The following NKAIN3 variants were observed in gnomAD, a reference collection of about 807,000 sequenced individuals.
NKAIN3 encodes sodium/potassium transporting ATPase interacting 3, also known as sodium/potassium-transporting ATPase subunit beta-1-interacting protein 3.
NKAIN3 carries 25 observed loss-of-function variants against 30.2 expected under a neutral mutation model. That is an observed-to-expected ratio of 0.83 (90% CI 0.60 to 1.16). The LOEUF is 1.16. Ranked by LOEUF, NKAIN3 falls within the 50% of genes most tolerant of loss-of-function variation. The probability of loss-of-function intolerance (pLI) is 0.00; values close to 1 mark genes in which losing one functional copy is unlikely to be tolerated. For synonymous variants in NKAIN3, 91 were observed against 89.6 expected, an observed-to-expected ratio of 1.02 and a Z score of -0.09; for missense variants, 225 against 254.1, an observed-to-expected ratio of 0.89 and a Z score of 0.78.
chr8:62,892,843 C>G (rs1265323742), intron 4 of NKAIN3, among the ~76,000 whole-genome samples: 3 of 152,006 alleles, frequency 2.0e-5, no homozygotes, highest in Non-Finnish European at 4.4e-5. Flanking sequence ...TCAGACACAC[C>G]AGCATAAAAG....
chr8:62,474,363 T>A (rs572110156), intron 1 of NKAIN3: 2 of 152,292 alleles, frequency 1.3e-5, no homozygotes, highest in East Asian at 3.9e-4. Context: ...AAGGGCAGTC[T>A]TTGTTGTGTC....
At chr8:62,475,672 A>G (rs1806495311) in intron 1 of NKAIN3, among the ~76,000 whole-genome samples, 1 of 152,198 alleles carries the variant, frequency 6.6e-6, no homozygotes, top group Non-Finnish European at 1.5e-5. Context: ...TCTGTACTGT[A>G]ACAAGATCCT....
chr8:62,392,017 A>G (rs928790075), intron 1 of NKAIN3, among the ~76,000 whole-genome samples: 1 of 152,058 alleles, frequency 6.6e-6, no homozygotes, highest in Non-Finnish European at 1.5e-5. Context: ...TGACAACAAC[A>G]AGGAAACATT....
rs906279771 is a variant in NKAIN3 at position 62,967,136 on chromosome 8, G to A, written c.*1729G>A. On this transcript the variant is annotated 3_prime_UTR_variant, in exon 7 of 7. Transcript: ENST00000623646. ...AAGAAAAGCTGGCAGGGACCTTGAAGATGGTGGAATCCAAGCCACTATTCT... is the reference window on the plus strand; with the variant it reads ...AAGAAAAGCTGGCAGGGACCTTGAAAATGGTGGAATCCAAGCCACTATTCT... Among the ~76,000 whole-genome samples, 3 of 152,156 alleles carry A rather than the reference G, an allele frequency of 2.0e-5. No homozygotes were observed. Among genetic ancestry groups the A allele is most frequent in the Non-Finnish European group, 4.4e-5 (3 of 68,036 alleles).
At chr8:62,383,399 C>A in intron 1 of NKAIN3, 1 of 408,538 alleles carries the variant, frequency 2.4e-6, no homozygotes, top group Non-Finnish European at 4.9e-6. Context: ...GTAGCCTTTT[C>A]CTTCCTGCAT....
At chr8:62,249,291 C>T (rs550450266) in intron 1 of NKAIN3, among the ~76,000 whole-genome samples, 164 bp downstream of exon 1, 16 of 152,360 alleles carry the variant, frequency 1.1e-4, no homozygotes, top group African/African-American at 3.8e-4. Context: ...TCGCACTGCT[C>T]TCCAGCCGCG....
intron 1 of NKAIN3, among the ~76,000 whole-genome samples, chr8:62,324,240 T>C (rs1000549292): frequency 2.0e-5 from 3 of 152,168 alleles, no homozygotes; most frequent in Admixed American, 6.6e-5. Flanking sequence ...AGGAACTCTG[T>C]ACTTTCTGGT....
At chr8:62,751,546 C>A (rs1477593680) in intron 4 of NKAIN3, among the ~76,000 whole-genome samples, 1 of 152,136 alleles carries the variant, frequency 6.6e-6, no homozygotes, top group African/African-American at 2.4e-5. Context: ...ATGATATGCA[C>A]TCTTCTGAGC....
At chr8:62,988,919 A>G (rs1824259715), downstream of NKAIN3, among the ~76,000 whole-genome samples, 1 of 152,168 alleles carries the variant, frequency 6.6e-6, no homozygotes, top group African/African-American at 2.4e-5. Context: ...ACCGCTTAAA[A>G]ATTTCTTCCC....
intron 4 of NKAIN3, among the ~76,000 whole-genome samples, chr8:62,805,641 A>G (rs1818252217): frequency 6.6e-6 from 1 of 152,228 alleles, no homozygotes; most frequent in Non-Finnish European, 1.5e-5. Context: ...CACCTTATAC[A>G]AAAATTAATT....
chr8:62,986,465 A>G (rs890223326), downstream of NKAIN3, among the ~76,000 whole-genome samples: 5 of 152,176 alleles, frequency 3.3e-5, no homozygotes, highest in Non-Finnish European at 5.9e-5. Flanking sequence ...TCTGTGTCTC[A>G]TTCACTGGCT....
intron 4 of NKAIN3, among the ~76,000 whole-genome samples, chr8:62,752,840 C>G (rs1816330046): frequency 2.0e-5 from 3 of 152,014 alleles, no homozygotes; most frequent in Non-Finnish European, 4.4e-5. Flanking sequence ...TTTAATGAGG[C>G]TATGTCTTGA....
chr8:62,739,078 C>A (rs1815775730), intron 3 of NKAIN3, among the ~76,000 whole-genome samples: 1 of 151,986 alleles, frequency 6.6e-6, no homozygotes, highest in African/African-American at 2.4e-5. Flanking sequence ...AACACATGGA[C>A]ACAGGGAGGG....
At chr8:62,746,247 T>G (rs1816065455) in intron 3 of NKAIN3, among the ~76,000 whole-genome samples, 1 of 152,188 alleles carries the variant, frequency 6.6e-6, no homozygotes, top group Non-Finnish European at 1.5e-5. Context: ...CCTTTGCCTC[T>G]TCTACCTTGT....
At chr8:62,778,603 G>T (rs1300452780) in intron 4 of NKAIN3, among the ~76,000 whole-genome samples, 2 of 152,086 alleles carry the variant, frequency 1.3e-5, no homozygotes, top group African/African-American at 4.8e-5. Flanking sequence ...TCCCTTCAGG[G>T]AAGTGGGCTC....
chr8:62,406,362 A>T (rs1469522443), intron 1 of NKAIN3, among the ~76,000 whole-genome samples: 1 of 152,214 alleles, frequency 6.6e-6, no homozygotes, highest in Non-Finnish European at 1.5e-5. Context: ...GCTTACATAA[A>T]TTTAAGAAAT....
chr8:62,802,341 A>G (rs1318551705), intron 4 of NKAIN3, among the ~76,000 whole-genome samples: 2 of 152,186 alleles, frequency 1.3e-5, no homozygotes, highest in African/African-American at 2.4e-5. Flanking sequence ...GTTGAAATGA[A>G]GGAAAAAATG....
At chr8:62,674,623 G>T (rs989437673) in intron 3 of NKAIN3, among the ~76,000 whole-genome samples, 3 of 152,176 alleles carry the variant, frequency 2.0e-5, no homozygotes, top group Non-Finnish European at 2.9e-5. Flanking sequence ...AGTTTCTGGT[G>T]CCTGGCTATA....
intron 4 of NKAIN3, among the ~76,000 whole-genome samples, chr8:62,794,497 C>T (rs1427946186): frequency 2.6e-5 from 4 of 152,116 alleles, no homozygotes; most frequent in African/African-American, 9.7e-5. Context: ...ACCCACCCCC[C>T]CACCAAATCT....
Sources: gnomAD v4.1 joint callset for allele counts (sites outside exome capture counted in the v4.1 genomes callset) on GRCh38, gnomAD v4.1.1 for gene constraint, MANE v1.5 for transcripts, NCBI Gene and HGNC (gene_info 2026-07-23, HGNC 2026-07-21) for gene names.